Variants in ADAM12 observed in about 807,000 individuals in gnomAD.
ADAM12 encodes ADAM metallopeptidase domain 12.
ADAM12 carries 70 observed loss-of-function variants against 106.4 expected under a neutral mutation model. The ratio of observed to expected loss-of-function variants is 0.66; its 90% CI spans 0.54 to 0.80. The LOEUF (loss-of-function observed/expected upper bound fraction) is 0.80, where lower values mean the gene tolerates loss of function less well. Among genes scored for constraint, ADAM12 ranks in the 30% least tolerant of loss-of-function variants. The pLI, the probability that ADAM12 is intolerant of heterozygous loss-of-function variation, is 0.00. For synonymous variants in ADAM12, 420 were observed against 433.5 expected, an observed-to-expected ratio of 0.97 and a Z score of 0.39; for missense variants, 1,010 against 1,171.9, an observed-to-expected ratio of 0.86 and a Z score of 2.02.
At chr10:126,284,970 G>A (rs770925205) in intron 2 of ADAM12, among the ~76,000 whole-genome samples, 3 of 152,210 alleles carry the variant, frequency 2.0e-5, no homozygotes, top group Non-Finnish European at 4.4e-5. Flanking sequence ...GGTTGGAAAA[G>A]GTAGGTAGGG....
rs185862588 is a variant in ADAM12, at chr10:126,034,437, A to G, written c.2529+1709T>C. 6.4e-4 allele frequency among the ~76,000 whole-genome samples: 98 copies of G among 152,320 alleles called. 1 individual carries two copies. The highest frequency in any genetic ancestry group is 2.2e-3 in the African/African-American group (93 of 41,580). On this transcript the variant is annotated intron_variant, in intron 21 of 22. Coordinates refer to ENST00000448723, the MANE Select transcript of ADAM12 (RefSeq NM_001288973.2). ...ATACAAAAAAAATACAAAGATATAT[A>G]CTCAAAAACATAAATGCAGATAAAT...
chr10:126,223,330 C>T (rs1201857103), intron 3 of ADAM12, among the ~76,000 whole-genome samples: 1 of 152,234 alleles, frequency 6.6e-6, no homozygotes, highest in South Asian at 2.1e-4. Flanking sequence ...TCACATTCTT[C>T]TGCTCCCTCA....
chr10:126,180,430 T>A (rs1350386686), intron 3 of ADAM12, among the ~76,000 whole-genome samples: 1 of 152,250 alleles, frequency 6.6e-6, no homozygotes, highest in African/African-American at 2.4e-5. Context: ...TGTGTTCATG[T>A]GATCTCTGTA....
chr10:126,327,134 C>G (rs1020284374), intron 2 of ADAM12, among the ~76,000 whole-genome samples: 1 of 152,124 alleles, frequency 6.6e-6, no homozygotes, highest in African/African-American at 2.4e-5. Context: ...AGTCAGAGCC[C>G]CGGAGCCATG....
At chr10:126,201,515 C>T (rs1335160928) in intron 3 of ADAM12, among the ~76,000 whole-genome samples, 1 of 152,082 alleles carries the variant, frequency 6.6e-6, no homozygotes, top group Non-Finnish European at 1.5e-5. Context: ...GGGAACGTGG[C>T]CCTGCCAGAA....
intron 5 of ADAM12, among the ~76,000 whole-genome samples, chr10:126,123,105 A>G (rs1956143261): frequency 1.3e-5 from 2 of 152,226 alleles, no homozygotes; most frequent in African/African-American, 4.8e-5. Flanking sequence ...TTGGCAGCCT[A>G]TAATAAGCTT....
At chr10:126,264,538 CA>C (rs1358405578) in intron 3 of ADAM12, among the ~76,000 whole-genome samples, 1 of 152,156 alleles carries the variant, frequency 6.6e-6, no homozygotes, top group East Asian at 1.9e-4. Context: ...TGAAATCCAC[CA>C]GCATACTGAG....
chr10:126,163,104 G>A (rs1338145672), intron 3 of ADAM12, among the ~76,000 whole-genome samples: 1 of 152,116 alleles, frequency 6.6e-6, no homozygotes. Context: ...GCTTTCTGAG[G>A]CTTCCCCAGA....
At chr10:126,144,987 A>G (rs141972212) in intron 4 of ADAM12, among the ~76,000 whole-genome samples, 57 of 152,314 alleles carry the variant, frequency 3.7e-4, no homozygotes, top group African/African-American at 1.1e-3. Flanking sequence ...CAGAAGGTCT[A>G]TCTTACAGCC....
Position 126,109,776 on chromosome 10 carries a change from T to G in ADAM12, c.668A>C (p.Glu223Ala), listed in dbSNP as rs1225881584. The change falls in exon 7 of 23, where the codon GAG (glutamate) becomes GCG (alanine). Residue 223 changes from glutamate (E) to alanine (A), a missense_variant and splice_region_variant. Transcript: ENST00000448723. Reference protein sequence around the residue: ...VELVIVADNREFQRQGKDLEK... With the variant: ...VELVIVADNRAFQRQGKDLEK... ...TGAGAAATTTTAAAAAGTTCTTACC[T>G]CTCGGTTGTCTGCCACGATCACCAG... The G allele has an allele frequency of 6.2e-7, 1 of 1,611,886 alleles. No homozygotes were observed.
intron 22 of ADAM12, among the ~76,000 whole-genome samples, chr10:126,018,348 TG>T (rs1366949546): frequency 6.6e-6 from 1 of 152,176 alleles, no homozygotes; most frequent in Admixed American, 6.5e-5. Context: ...CCCATGGGGT[TG>T]GGGGCAGGAA....
intron 6 of ADAM12, 49 bp downstream of exon 6, chr10:126,117,989 G>A: frequency 6.3e-7 from 1 of 1,593,072 alleles, no homozygotes; most frequent in Non-Finnish European, 8.6e-7. Flanking sequence ...GGTATCCGTA[G>A]CTTGAGCTCC....
chr10:126,265,003 T>C (rs1479426010), intron 3 of ADAM12, among the ~76,000 whole-genome samples: 2 of 152,210 alleles, frequency 1.3e-5, no homozygotes, highest in Non-Finnish European at 2.9e-5. Flanking sequence ...GTAATATCTA[T>C]ATGGGTAATT....
intron 19 of ADAM12, among the ~76,000 whole-genome samples, chr10:126,038,952 CTTTTTTTTT>C (rs34277276): frequency 1.4e-5 from 1 of 71,542 alleles, no homozygotes. Context: ...GACACCATTT[CTTTTTTTTT>C]TTTTTTTTTT....
intron 3 of ADAM12, among the ~76,000 whole-genome samples, chr10:126,185,218 G>A (rs1957379538): frequency 6.6e-6 from 1 of 152,210 alleles, no homozygotes; most frequent in African/African-American, 2.4e-5. Context: ...GGTCCATGAA[G>A]AAAGAAAGAC....
chr10:126,207,599 G>A (rs900635447), intron 3 of ADAM12, among the ~76,000 whole-genome samples: 5 of 152,122 alleles, frequency 3.3e-5, no homozygotes, highest in Admixed American at 6.5e-5. Context: ...TATAAAATAC[G>A]ATTGCTTCTG....
intron 3 of ADAM12, among the ~76,000 whole-genome samples, chr10:126,268,906 G>C (rs1328699881): frequency 6.6e-6 from 1 of 152,132 alleles, no homozygotes; most frequent in Non-Finnish European, 1.5e-5. Flanking sequence ...TCTTACACAA[G>C]AAAGAATTCA....
intron 3 of ADAM12, among the ~76,000 whole-genome samples, chr10:126,218,875 A>G (rs2133849041): frequency 6.6e-6 from 1 of 152,344 alleles, no homozygotes; most frequent in Middle Eastern, 3.4e-3. Flanking sequence ...TGAGACATTT[A>G]GATATTTGTG....
chr10:126,309,570 T>G (rs1276337645), intron 2 of ADAM12, among the ~76,000 whole-genome samples: 1 of 152,178 alleles, frequency 6.6e-6, no homozygotes, highest in East Asian at 1.9e-4. Flanking sequence ...AAAAAAGGGC[T>G]AGAATGATGC....
Sources: allele counts gnomAD v4.1 joint callset (sites outside exome capture counted in the v4.1 genomes callset), GRCh38; gene constraint gnomAD v4.1.1; transcripts MANE v1.5; gene names NCBI Gene and HGNC (gene_info 2026-07-23, HGNC 2026-07-21).